Variants in CTNNAL1 observed in about 807,000 individuals in gnomAD.
CTNNAL1 encodes alpha-catulin.
A neutral mutation model predicts 93.6 loss-of-function variants in CTNNAL1; 69 were observed. The observed-to-expected ratio is 0.74, with a 90% CI of 0.61 to 0.90. The LOEUF (loss-of-function observed/expected upper bound fraction) is 0.90. Among genes scored for constraint, CTNNAL1 ranks in the 40% least tolerant of loss-of-function variants. The pLI is 0.00. For missense variants in CTNNAL1, 836 were observed against 862.0 expected, an observed-to-expected ratio of 0.97 and a Z score of 0.38; for synonymous variants, 286 against 305.4, an observed-to-expected ratio of 0.94 and a Z score of 0.66.
chr9:109,005,139 C>T (rs188005374), intron 1 of CTNNAL1, among the ~76,000 whole-genome samples: 6 of 151,892 alleles, frequency 4.0e-5, no homozygotes, highest in Admixed American at 2.0e-4. Context: ...GAAAGAGTCA[C>T]GATAATTTTA....
At chr9:108,956,729 C>A (rs1202955077) in intron 11 of CTNNAL1, among the ~76,000 whole-genome samples, 1 of 152,104 alleles carries the variant, frequency 6.6e-6, no homozygotes, top group Non-Finnish European at 1.5e-5. Flanking sequence ...AATGGGCAAA[C>A]CTGTTTGTCT....
At chr9:108,999,535 C>T (rs556735745) in intron 1 of CTNNAL1, among the ~76,000 whole-genome samples, 1 of 152,306 alleles carries the variant, frequency 6.6e-6, no homozygotes, top group African/African-American at 2.4e-5. Flanking sequence ...GATCTTTCAA[C>T]AAATCTTAAG....
intron 11 of CTNNAL1, among the ~76,000 whole-genome samples, chr9:108,964,842 TTTTATTTATTTATTTA>T (rs368745715): frequency 7.3e-6 from 1 of 136,134 alleles, no homozygotes; most frequent in East Asian, 2.0e-4. Flanking sequence ...ATGCTGTTTG[TTTTATTTATTTATTTA>T]TTTATTTATT....
chr9:108,981,442 A>G (rs1460992496), intron 6 of CTNNAL1, among the ~76,000 whole-genome samples: 2 of 150,642 alleles, frequency 1.3e-5, no homozygotes, highest in African/African-American at 4.9e-5. Context: ...GAAGGGTTCT[A>G]CCACTTACTA....
chr9:108,958,169 T>A (rs1291243379), intron 11 of CTNNAL1, among the ~76,000 whole-genome samples: 1 of 152,014 alleles, frequency 6.6e-6, no homozygotes, highest in African/African-American at 2.4e-5. Context: ...TACTTAAATG[T>A]CATCAGCTAC....
At chr9:109,011,279 A>G (rs1827194394) in intron 1 of CTNNAL1, among the ~76,000 whole-genome samples, 1 of 151,896 alleles carries the variant, frequency 6.6e-6, no homozygotes, top group Non-Finnish European at 1.5e-5. Flanking sequence ...AATATCAGTT[A>G]TGGTGTTGTG....
chr9:108,946,908 G>A (rs913226425), intron 15 of CTNNAL1, among the ~76,000 whole-genome samples: 7 of 151,500 alleles, frequency 4.6e-5, no homozygotes, highest in Non-Finnish European at 1.0e-4. Flanking sequence ...AATGGACTTG[G>A]GCCAAACTGA....
chr9:108,992,119 A>G (rs1340489173), intron 3 of CTNNAL1: 2 of 745,640 alleles, frequency 2.7e-6, no homozygotes, highest in South Asian at 2.8e-5. Context: ...TTTATCAACT[A>G]GGTTTCTGCT....
intron 11 of CTNNAL1, among the ~76,000 whole-genome samples, chr9:108,964,812 T>C (rs1012125983): frequency 1.3e-5 from 2 of 152,102 alleles, no homozygotes. Flanking sequence ...AGGATGTTAA[T>C]ATTAATTCAG....
intron 15 of CTNNAL1, among the ~76,000 whole-genome samples, chr9:108,947,154 C>T (rs1369135604): frequency 6.8e-6 from 1 of 146,290 alleles, no homozygotes; most frequent in South Asian, 2.1e-4. Context: ...TGCTCTGTCA[C>T]CCAGACTGGA....
rs1219821674 is a variant in CTNNAL1, at chr9:108,972,807, T to C, written c.1215A>G (p.Ala405=). The C allele has an allele frequency of 4.7e-5, 66 of 1,418,010 alleles. No homozygotes were observed. Among genetic ancestry groups the C allele is most frequent in the Non-Finnish European group, 5.3e-5 (57 of 1,069,162 alleles). The allele number at this position is 1,418,010 out of a possible 1,614,324, so 87.8% of individuals were successfully genotyped here. Residue 405 remains alanine, a synonymous_variant, in exon 9 of 19, where the codon GCA becomes GCG. Coordinates refer to ENST00000325551, the MANE Select transcript of CTNNAL1 (RefSeq NM_003798.4). The part of the protein sequence containing the change: ...KELHSTATQL[A]ADLLKYHADH... Reference sequence around the variant, plus strand: ...CAGCATGGTATTTTAATAGATCTGCTGCCAGCTGTGTCGCTGTACTATGAA... The same window carrying C: ...CAGCATGGTATTTTAATAGATCTGCCGCCAGCTGTGTCGCTGTACTATGAA...
chr9:108,972,868 G>GGGGCCCCCCCCGGGC, intron 8 of CTNNAL1, 35 bp from the exon 9 acceptor site: 1 of 1,092,790 alleles, frequency 9.2e-7, no homozygotes, highest in Non-Finnish European at 1.2e-6. Flanking sequence ...GGGTGGGAGG[G>GGGGCCCCCCCCGGGC]TGGAGAAGGA....
chr9:108,946,224 G>A (rs974688945), intron 15 of CTNNAL1, among the ~76,000 whole-genome samples: 12 of 151,894 alleles, frequency 7.9e-5, no homozygotes, highest in South Asian at 4.2e-4. Context: ...ACTTGAACCC[G>A]GGAGGCGGAG....
Position 108,944,008 on chromosome 9 carries a change from G to C in CTNNAL1, c.1895C>G (p.Ala632Gly), listed in dbSNP as rs767237003. The change falls in exon 16 of 19, where the codon GCA becomes GGA. Residue 632 changes from alanine (A) to glycine (G), a missense_variant. Ala to Gly is a moderately conservative substitution (Grantham distance 60). Transcript: ENST00000325551. ...DLIHQLEVFA[A>G]EGLKLTSSVQ... is the part of the protein sequence containing the mutation. ...ACTGGAAGTAAGCTTTAAACCCTCT[G>C]CAGCAAAAACCTGGTAGAAAGAGAA... 2 of 1,613,578 alleles carry C rather than the reference G, an allele frequency of 1.2e-6. No individual in the cohort carries two copies. The highest frequency in any genetic ancestry group is 1.7e-6 in the Non-Finnish European group (2 of 1,179,780).
chr9:108,943,958 T>C lies in CTNNAL1; in HGVS notation c.1941+4A>G. 1 of 1,613,166 alleles carries C rather than the reference T, an allele frequency of 6.2e-7. No individual in the cohort carries two copies. The highest frequency in any genetic ancestry group is 1.1e-5 in the South Asian group (1 of 90,810). On this transcript the variant is annotated splice_donor_region_variant and intron_variant, in intron 16 of 18. Coordinates refer to ENST00000325551, the MANE Select transcript of CTNNAL1 (RefSeq NM_003798.4). ...CCAGCTCCAGGTAGGTAGACATGTG[T>C]TACCTGTTTTGAAAAAGCTTGAACA...
At position 108,965,440 on chromosome 9, in the gene CTNNAL1, G is replaced by A. The variant is rs775344605; in HGVS notation, c.1529C>T (p.Ser510Phe). 6.3e-7 allele frequency: 1 copy of A among 1,593,324 alleles called. No homozygotes were observed. The highest frequency in any genetic ancestry group is 1.8e-5 in the Admixed American group (1 of 56,474). The change falls in exon 11 of 19, where the codon TCC (serine) becomes TTC (phenylalanine). Residue 510 changes from serine to phenylalanine, a missense_variant. By Grantham distance (155) the Ser-to-Phe change is radical. Transcript: ENST00000325551. Reference sequence around the variant, plus strand: ...CAGTGTTGACATGTCACTAATTTGGGATTCCCAAGCTTCACAAAATACATC... The same window carrying A: ...CAGTGTTGACATGTCACTAATTTGGAATTCCCAAGCTTCACAAAATACATC... ...NLDVFCEAWE[S>F]QISDMSTLLR...
intron 11 of CTNNAL1, among the ~76,000 whole-genome samples, chr9:108,961,700 G>A (rs986964229): frequency 6.6e-6 from 1 of 152,188 alleles, no homozygotes; most frequent in African/African-American, 2.4e-5. Flanking sequence ...GGATGTGCAA[G>A]CAGTATTACA....
chr9:108,950,440 A>T (rs990675225), intron 14 of CTNNAL1: 1 of 1,500,112 alleles, frequency 6.7e-7, no homozygotes, highest in African/African-American at 1.4e-5. Flanking sequence ...ATGATAAGGT[A>T]CTGACAAATG....
intron 1 of CTNNAL1, among the ~76,000 whole-genome samples, chr9:109,012,286 T>C (rs977006665): frequency 1.3e-5 from 2 of 152,228 alleles, no homozygotes; most frequent in African/African-American, 4.8e-5. Flanking sequence ...TGAACATGTT[T>C]AAGCAGGGTA....
Sources: gnomAD v4.1 joint callset for allele counts (sites outside exome capture counted in the v4.1 genomes callset) on GRCh38, gnomAD v4.1.1 for gene constraint, MANE v1.5 for transcripts, NCBI Gene and HGNC (gene_info 2026-07-23, HGNC 2026-07-21) for gene names.